The following SNX10 variants were observed in gnomAD, a reference collection of about 807,000 sequenced individuals.
The protein encoded by SNX10 is sorting nexin 10, also known as sorting nexin-10.
In SNX10, 25 loss-of-function variants were observed where a neutral mutation model predicts 28.5. That is an observed-to-expected ratio of 0.88 (90% CI 0.64 to 1.22). SNX10 has a LOEUF of 1.22. Ranked by LOEUF, SNX10 falls within the 50% of genes most tolerant of loss-of-function variation. The pLI, the probability that SNX10 is intolerant of heterozygous loss-of-function variation, is 0.00. For missense variants in SNX10, 223 were observed against 242.6 expected (o/e 0.92, Z 0.54); for synonymous variants, 62 against 81.4 (o/e 0.76, Z 1.28).
In SNX10 at chr7:26,371,708, T is replaced by G. The variant is rs532367943; in HGVS notation, c.312-113T>G. On this transcript the variant is annotated intron_variant, in intron 5 of 6. Coordinates refer to ENST00000338523, the MANE Select transcript of SNX10 (RefSeq NM_013322.3). ...GCAGAGCCCATAATTGATACAAAGT[T>G]TACCACAGTAGAGAAATTACCTTCA... 63 of 737,776 alleles carry G rather than the reference T, an allele frequency of 8.5e-5. No individual in the cohort carries two copies. The South Asian group carries it at 1.1e-3, about 13-fold the overall frequency. 45.7% of individuals were successfully genotyped at this position (737,776 alleles called of 1,614,324 possible).
chr7:26,362,478 A>G (rs1789117130), intron 3 of SNX10, among the ~76,000 whole-genome samples: 1 of 152,242 alleles, frequency 6.6e-6, no homozygotes, highest in South Asian at 2.1e-4. Context: ...GGTTCCACAA[A>G]TACTATTTGA....
chr7:26,342,667 G>A (rs1317796331), intron 1 of SNX10, among the ~76,000 whole-genome samples: 1 of 152,122 alleles, frequency 6.6e-6, no homozygotes, highest in Non-Finnish European at 1.5e-5. Context: ...GAAGTGTATA[G>A]AGCTTAGAAA....
chr7:26,313,319 G>C (rs1045266130), intron 1 of SNX10, among the ~76,000 whole-genome samples: 2 of 152,208 alleles, frequency 1.3e-5, no homozygotes, highest in African/African-American at 4.8e-5. Context: ...GCGCAATGTT[G>C]TACAGCAGAT....
At chr7:26,336,354 A>C (rs977623052) in intron 1 of SNX10, among the ~76,000 whole-genome samples, 8 of 151,946 alleles carry the variant, frequency 5.3e-5, no homozygotes, top group African/African-American at 1.7e-4. Context: ...CATAAGCTCC[A>C]GTTCTTAAGT....
intron 2 of SNX10, among the ~76,000 whole-genome samples, chr7:26,350,773 A>C (rs1013422323): frequency 6.8e-6 from 1 of 148,028 alleles, no homozygotes; most frequent in African/African-American, 2.5e-5. Flanking sequence ...CATAAGAGGC[A>C]ATTTACAGTC....
chr7:26,358,805 G>GTTTTTGTTTTTTTT (rs1554360948), intron 2 of SNX10, among the ~76,000 whole-genome samples: 17 of 100,098 alleles, frequency 1.7e-4, no homozygotes, highest in African/African-American at 7.5e-4. Flanking sequence ...GTTATCTTGT[G>GTTTTTGTTTTTTTT]TTTTTTTTTT....
At chr7:26,299,659 C>T (rs531322052) in intron 1 of SNX10, among the ~76,000 whole-genome samples, 222 of 149,292 alleles carry the variant, frequency 1.5e-3, no homozygotes, top group South Asian at 5.8e-3. Context: ...CTCGTGACCT[C>T]GTGATCTGCC....
At chr7:26,323,713 G>T (rs763216112) in intron 1 of SNX10, among the ~76,000 whole-genome samples, 1 of 152,224 alleles carries the variant, frequency 6.6e-6, no homozygotes, top group African/African-American at 2.4e-5. Flanking sequence ...ATGGAGAATG[G>T]ATCGTGTGGG....
intron 1 of SNX10, among the ~76,000 whole-genome samples, chr7:26,316,660 G>A (rs1235249470): frequency 6.6e-6 from 1 of 152,128 alleles, no homozygotes; most frequent in Non-Finnish European, 1.5e-5. Context: ...ATAGAATTAG[G>A]TTCTGTTGTT....
At chr7:26,304,417 C>T (rs181928421) in intron 1 of SNX10, among the ~76,000 whole-genome samples, 119 of 152,284 alleles carry the variant, frequency 7.8e-4, no homozygotes, top group Non-Finnish European at 1.1e-3. Context: ...TGTTCCCCTC[C>T]GATCCAATTT....
At chr7:26,320,132 C>T (rs948177385) in intron 1 of SNX10, among the ~76,000 whole-genome samples, 1 of 151,856 alleles carries the variant, frequency 6.6e-6, no homozygotes, top group Non-Finnish European at 1.5e-5. Context: ...CAGGTGCCCA[C>T]CAGCACAACC....
intron 1 of SNX10, among the ~76,000 whole-genome samples, chr7:26,323,497 G>A (rs13223506): frequency 0.34 from 51,060 of 151,636 alleles, 10,591 homozygotes; most frequent in South Asian, 0.48. Flanking sequence ...GGGACAGAGA[G>A]AAGACGAGGC....
intron 1 of SNX10, among the ~76,000 whole-genome samples, chr7:26,322,821 G>A (rs903219042): frequency 1.3e-5 from 2 of 152,208 alleles, no homozygotes; most frequent in African/African-American, 4.8e-5. Flanking sequence ...GCCCACCTGC[G>A]ATTATGTGCC....
intron 5 of SNX10, among the ~76,000 whole-genome samples, chr7:26,368,787 T>G (rs1789394268): frequency 6.6e-6 from 1 of 152,190 alleles, no homozygotes; most frequent in Non-Finnish European, 1.5e-5. Context: ...ATTTGTAGGT[T>G]TTATTTTTTC....
intron 2 of SNX10, among the ~76,000 whole-genome samples, chr7:26,359,408 T>C (rs1788976521): frequency 6.6e-6 from 1 of 152,190 alleles, no homozygotes. Context: ...CTTTTTCTTC[T>C]GCTCTCAAGC....
Position 26,364,757 on chromosome 7 carries a change from T to C in SNX10, c.212+122T>C. On this transcript the variant is annotated intron_variant, in intron 4 of 6. Coordinates refer to ENST00000338523, the MANE Select transcript of SNX10 (RefSeq NM_013322.3). This position sits in a 1 kb window ranked among gnomAD's most constrained non-coding sequence, Gnocchi z 4.9. Reference sequence around the variant, plus strand: ...AGGCTTTTGCCTTGATTACAATATGTAGCTTTAGTTTCTTAGCTACTGCAT... The same window carrying C: ...AGGCTTTTGCCTTGATTACAATATGCAGCTTTAGTTTCTTAGCTACTGCAT... 1 of 709,334 alleles carries C rather than the reference T, an allele frequency of 1.4e-6. No individual in the cohort carries two copies. The highest frequency in any genetic ancestry group is 2.3e-6 in the Non-Finnish European group (1 of 438,028). 43.9% of individuals were successfully genotyped at this position (709,334 alleles called of 1,614,324 possible).
intron 1 of SNX10, among the ~76,000 whole-genome samples, chr7:26,336,021 G>A (rs1265915728): frequency 6.6e-5 from 10 of 152,168 alleles, no homozygotes; most frequent in East Asian, 5.8e-4. Flanking sequence ...GTGAGCCACC[G>A]CGCCCGGCCT....
intron 1 of SNX10, among the ~76,000 whole-genome samples, chr7:26,301,341 A>G (rs923614992): frequency 6.6e-6 from 1 of 152,140 alleles, no homozygotes; most frequent in Admixed American, 6.5e-5. Context: ...TCTTTTCCCT[A>G]TGTGGTCCGA....
chr7:26,300,021 G>C (rs765145249), intron 1 of SNX10, among the ~76,000 whole-genome samples: 7 of 151,988 alleles, frequency 4.6e-5, no homozygotes, highest in Non-Finnish European at 1.0e-4. Context: ...GACCAGGCTG[G>C]CCAGCATGGT....
Sources: gnomAD v4.1 joint callset for allele counts (sites outside exome capture counted in the v4.1 genomes callset) on GRCh38, gnomAD v4.1.1 for gene constraint, Gnocchi (gnomAD v3.1) non-coding constraint, MANE v1.5 for transcripts, NCBI Gene and HGNC (gene_info 2026-07-23, HGNC 2026-07-21) for gene names.